The following TECR variants were observed in gnomAD, a reference collection of about 807,000 sequenced individuals.
The protein encoded by TECR is trans-2,3-enoyl-CoA reductase.
TECR carries 19 observed loss-of-function variants against 50.6 expected under a neutral mutation model. The observed-to-expected ratio is 0.38, with a 90% CI of 0.26 to 0.55. The LOEUF is 0.55. Among genes scored for constraint, TECR ranks in the 20% least tolerant of loss-of-function variants. The pLI is 0.79. For synonymous variants in TECR, 168 were observed against 163.5 expected (o/e 1.03, Z -0.21); for missense variants, 313 against 408.3 (o/e 0.77, Z 2.01).
intron 1 of TECR, among the ~76,000 whole-genome samples, chr19:14,561,521 C>G (rs1480666365): frequency 6.6e-6 from 1 of 152,152 alleles, no homozygotes; most frequent in Non-Finnish European, 1.5e-5. Flanking sequence ...GGGGCTGGCA[C>G]AGGCCTGGCT....
chr19:14,535,043 G>T (rs1330561683), intron 1 of TECR, among the ~76,000 whole-genome samples: 1 of 152,082 alleles, frequency 6.6e-6, no homozygotes, highest in Non-Finnish European at 1.5e-5. Context: ...CCTAAAATCG[G>T]ATGGGCTGCC....
At chr19:14,556,750 A>C (rs1479920921) in intron 1 of TECR, among the ~76,000 whole-genome samples, 1 of 152,212 alleles carries the variant, frequency 6.6e-6, no homozygotes, top group Admixed American at 6.5e-5. Context: ...CGTCCCTGAC[A>C]TCGGCTTTGG....
intron 1 of TECR, among the ~76,000 whole-genome samples, chr19:14,548,682 A>G (rs1450998907): frequency 3.3e-5 from 5 of 151,842 alleles, no homozygotes; most frequent in Admixed American, 3.3e-4. Flanking sequence ...GGTTCAAGCA[A>G]TTCTCCTGTC....
intron 11 of TECR, 119 bp from the exon 12 acceptor site, chr19:14,565,499 T>C (rs2074052205): frequency 2.0e-6 from 3 of 1,476,782 alleles, no homozygotes; most frequent in Non-Finnish European, 2.8e-6. Flanking sequence ...TCCGCTGGAA[T>C]TGGGTTCCCA....
intron 1 of TECR, among the ~76,000 whole-genome samples, chr19:14,553,560 C>T (rs760949454): frequency 3.4e-4 from 52 of 152,150 alleles, no homozygotes; most frequent in Non-Finnish European, 5.6e-4. Flanking sequence ...GGGTTCCTGG[C>T]AGCTGAGCCC....
chr19:14,565,944 C>T lies in TECR; in HGVS notation c.*73C>T. The T allele has an allele frequency of 1.9e-6, 3 of 1,543,952 alleles. No individual in the cohort carries two copies. The highest frequency in any genetic ancestry group is 4.6e-4 in the Middle Eastern group (2 of 4,384). ...GGGGAGGAGTGGGGCCCACAGCTCT[C>T]CAGCACCCGGAATAAAGCCCGCCTG... is the stretch of plus-strand genomic sequence containing the variant. On this transcript the variant is annotated 3_prime_UTR_variant, in exon 13 of 13. Coordinates refer to ENST00000215567, the MANE Select transcript of TECR (RefSeq NM_138501.6).
At chr19:14,564,582 C>G (rs1465702728) in intron 7 of TECR, 3 of 377,668 alleles carry the variant, frequency 7.9e-6, no homozygotes, top group Non-Finnish European at 1.0e-5. Flanking sequence ...CCCAGTTTCA[C>G]CCCTAGGCCC....
In TECR at chr19:14,563,390, C is replaced by T. The variant is rs2073963145; in HGVS notation, c.118+133C>T. ...CCCAGTGTGGCCCAGGCTTCTGGGGCGTGACTGGGGCAGGCGCCTCCACGT... is the reference window on the plus strand; with the variant it reads ...CCCAGTGTGGCCCAGGCTTCTGGGGTGTGACTGGGGCAGGCGCCTCCACGT... On this transcript the variant is annotated intron_variant, in intron 3 of 12. Coordinates refer to ENST00000215567, the MANE Select transcript of TECR (RefSeq NM_138501.6). The surrounding 1 kb of genome is among the most constrained non-coding windows in gnomAD (Gnocchi z 5.3). The T allele has an allele frequency of 8.2e-6, 8 of 972,958 alleles. No individual in the cohort carries two copies. Among genetic ancestry groups the T allele is most frequent in the Admixed American group, 4.1e-5 (2 of 49,066 alleles). 60.3% of individuals were successfully genotyped at this position (972,958 alleles called of 1,614,324 possible). A position where few individuals can be genotyped will look rare whatever the true frequency, so the allele number is the denominator to read the frequency against.
At chr19:14,528,800 C>T (rs542826791), upstream of TECR, among the ~76,000 whole-genome samples, 10 of 152,094 alleles carry the variant, frequency 6.6e-5, no homozygotes, top group East Asian at 1.9e-3. Context: ...AAAAATTAGT[C>T]GGGCGTGGTG....
intron 1 of TECR, among the ~76,000 whole-genome samples, chr19:14,543,175 G>A (rs1235079459): frequency 6.7e-6 from 1 of 150,202 alleles, no homozygotes; most frequent in African/African-American, 2.5e-5. Context: ...GGCTCCTTGT[G>A]GGGAGAAGCT....
At position 14,529,652 on chromosome 19, in the gene TECR, T is replaced by C; in HGVS notation, c.-45T>C. On this transcript the variant is annotated 5_prime_UTR_variant, in exon 1 of 13. Coordinates refer to ENST00000215567, the MANE Select transcript of TECR (RefSeq NM_138501.6). ...GGGAGCCTGTGCTGTGCCGCGCAGT[T>C]AGGCAGCAGCAGCCGCGGAGCAGTA... is the stretch of plus-strand genomic sequence containing the variant. The C allele has an allele frequency of 6.2e-7, 1 of 1,613,724 alleles. No individual in the cohort carries two copies.
chr19:14,529,522 G>C (rs376552790), upstream of TECR: 1 of 839,248 alleles, frequency 1.2e-6, no homozygotes, highest in Non-Finnish European at 2.0e-6. Flanking sequence ...AGGGGCGAAC[G>C]TGGGCGCCTC....
intron 1 of TECR, among the ~76,000 whole-genome samples, chr19:14,548,002 C>G (rs1346850452): frequency 7.1e-6 from 1 of 141,294 alleles, no homozygotes; most frequent in East Asian, 2.1e-4. Context: ...CTCGCTCTGT[C>G]ACCCAGGCTG....
chr19:14,528,115 C>T (rs1313603159), upstream of TECR, among the ~76,000 whole-genome samples: 2 of 151,948 alleles, frequency 1.3e-5, no homozygotes, highest in Non-Finnish European at 2.9e-5. Flanking sequence ...AATTCCTGAC[C>T]TCATGTGATC....
chr19:14,549,997 C>T (rs2073440925), intron 1 of TECR, among the ~76,000 whole-genome samples: 3 of 151,664 alleles, frequency 2.0e-5, no homozygotes, highest in Non-Finnish European at 4.4e-5. Context: ...ACTGCCACTC[C>T]CTGTCCCCTT....
intron 1 of TECR, among the ~76,000 whole-genome samples, chr19:14,552,572 C>T (rs1297196707): frequency 2.6e-5 from 4 of 151,654 alleles, no homozygotes; most frequent in South Asian, 2.1e-4. Flanking sequence ...CTCGTTCTGT[C>T]GCCCAGGCTG....
At chr19:14,537,513 G>A (rs2072944736) in intron 1 of TECR, among the ~76,000 whole-genome samples, 1 of 152,124 alleles carries the variant, frequency 6.6e-6, no homozygotes, top group East Asian at 1.9e-4. Flanking sequence ...ACTCTGATAA[G>A]GTGGTTGGGT....
upstream of TECR, chr19:14,529,222 C>T (rs530004953): frequency 7.3e-6 from 2 of 274,292 alleles, no homozygotes; most frequent in Admixed American, 9.1e-5. Flanking sequence ...CAGAATTTAC[C>T]CCTTCGGCGC....
intron 1 of TECR, among the ~76,000 whole-genome samples, chr19:14,541,967 G>A (rs1025782976): frequency 7.2e-5 from 11 of 152,134 alleles, no homozygotes; most frequent in African/African-American, 2.6e-4. Context: ...TGTATGTGTA[G>A]TAGACCGGGT....
Sources: allele counts gnomAD v4.1 joint callset (sites outside exome capture counted in the v4.1 genomes callset), GRCh38; gene constraint gnomAD v4.1.1; non-coding constraint Gnocchi (gnomAD v3.1); transcripts MANE v1.5; gene names NCBI Gene and HGNC (gene_info 2026-07-23, HGNC 2026-07-21).